The following LIMD1 variants were observed in gnomAD, a reference collection of about 807,000 sequenced individuals.
The protein encoded by LIMD1 is LIM domain-containing protein 1.
A neutral mutation model predicts 58.4 loss-of-function variants in LIMD1; 23 were observed. That is an observed-to-expected ratio of 0.39 (90% CI 0.28 to 0.56). The LOEUF (loss-of-function observed/expected upper bound fraction) is 0.56. Ranked by LOEUF, LIMD1 falls within the 20% of genes least tolerant of loss-of-function variation. LIMD1 has a pLI of 0.57. For missense variants in LIMD1, 838 were observed against 855.5 expected, an observed-to-expected ratio of 0.98 and a Z score of 0.25; for synonymous variants, 334 against 345.5, an observed-to-expected ratio of 0.97 and a Z score of 0.37.
At chr3:45,631,109 CAGG>C (rs1204050456) in intron 1 of LIMD1, among the ~76,000 whole-genome samples, 3 of 152,090 alleles carry the variant, frequency 2.0e-5, no homozygotes, top group Non-Finnish European at 2.9e-5. Context: ...GAGGCTGAGG[CAGG>C]AGAATAGCTT....
In LIMD1 at chr3:45,665,565, A is replaced by G. The variant is rs1021137589; in HGVS notation, c.1511-85A>G. On this transcript the variant is annotated intron_variant, in intron 2 of 7. Coordinates refer to ENST00000273317, the MANE Select transcript of LIMD1 (RefSeq NM_014240.3). ...GTTTTTACGTGTTTATTTCTGCCTA[A>G]AGATTTTGCTTTTCACTTTTCACTT... 27 of 1,080,920 alleles carry G rather than the reference A, an allele frequency of 2.5e-5. No individual in the cohort carries two copies. The African/African-American group carries it at 3.8e-4, about 15-fold the overall frequency. 67.0% of individuals were successfully genotyped at this position (1,080,920 alleles called of 1,614,324 possible).
At chr3:45,629,842 G>A (rs563757679) in intron 1 of LIMD1, among the ~76,000 whole-genome samples, 1 of 152,320 alleles carries the variant, frequency 6.6e-6, no homozygotes. Context: ...TGAGCAGGGG[G>A]GCACTGAAGA....
At chr3:45,665,804 G>A in intron 3 of LIMD1, 87 bp downstream of exon 3, 2 of 1,110,200 alleles carry the variant, frequency 1.8e-6, no homozygotes, top group Non-Finnish European at 2.7e-6. Flanking sequence ...AGCGTGTAGG[G>A]AAGCTGCACT....
At chr3:45,621,377 G>A (rs1701627086) in intron 1 of LIMD1, among the ~76,000 whole-genome samples, 1 of 152,062 alleles carries the variant, frequency 6.6e-6, no homozygotes, top group Non-Finnish European at 1.5e-5. Flanking sequence ...CTACAGGCAT[G>A]TACCACCACA....
chr3:45,647,730 A>T (rs1575358452), intron 2 of LIMD1, among the ~76,000 whole-genome samples: 1 of 152,162 alleles, frequency 6.6e-6, no homozygotes, highest in Non-Finnish European at 1.5e-5. Flanking sequence ...TTGCCTTAAC[A>T]TTGTAGTCCA....
intron 1 of LIMD1, chr3:45,632,676 A>T (rs1487765865): frequency 2.8e-6 from 1 of 358,936 alleles, no homozygotes; most frequent in Non-Finnish European, 3.9e-6. Context: ...TTCTGAAGGC[A>T]CTTGCAATTC....
intron 2 of LIMD1, among the ~76,000 whole-genome samples, chr3:45,636,893 C>T (rs548216870): frequency 9.2e-5 from 14 of 152,354 alleles, no homozygotes; most frequent in Non-Finnish European, 1.8e-4. Context: ...GATTCTAACA[C>T]ATTGCATGCT....
chr3:45,612,500 ACT>A (rs1360860701), intron 1 of LIMD1, among the ~76,000 whole-genome samples: 1 of 147,042 alleles, frequency 6.8e-6, no homozygotes, highest in African/African-American at 2.5e-5. Flanking sequence ...GCCTTTCCAC[ACT>A]CTCACTTCTT....
Position 45,598,338 on chromosome 3 carries a change from T to C in LIMD1, c.1408+2051T>C, listed in dbSNP as rs569414269. Among the ~76,000 whole-genome samples, 97 of 152,374 alleles carry C rather than the reference T, an allele frequency of 6.4e-4. No homozygotes were observed. The Middle Eastern group carries it at 0.01, about 16-fold the overall frequency. On this transcript the variant is annotated intron_variant, in intron 1 of 7. Coordinates refer to ENST00000273317, the MANE Select transcript of LIMD1 (RefSeq NM_014240.3). Reference sequence around the variant, plus strand: ...AGCACATTCCCACATTTGGGAGTAATAGTTAGCTGGAAATACTGTGGGTCT... The same window carrying C: ...AGCACATTCCCACATTTGGGAGTAACAGTTAGCTGGAAATACTGTGGGTCT...
At chr3:45,634,443 A>G (rs1701766905) in intron 1 of LIMD1, among the ~76,000 whole-genome samples, 1 of 152,234 alleles carries the variant, frequency 6.6e-6, no homozygotes, top group South Asian at 2.1e-4. Context: ...CACAGAGCCC[A>G]TGTGAGATCC....
chr3:45,628,338 G>A (rs1701686819), intron 1 of LIMD1, among the ~76,000 whole-genome samples: 1 of 152,104 alleles, frequency 6.6e-6, no homozygotes. Context: ...AAAAAAAACA[G>A]GCAAAAGATT....
chr3:45,643,578 A>G (rs1701869984), intron 2 of LIMD1, among the ~76,000 whole-genome samples: 1 of 152,170 alleles, frequency 6.6e-6, no homozygotes, highest in Non-Finnish European at 1.5e-5. Flanking sequence ...TAAGACGTTC[A>G]TTTCACAGAC....
chr3:45,595,577 C>G lies in LIMD1; in HGVS notation c.698C>G (p.Ser233Cys). Reference protein sequence around the residue: ...GDHPLNHRQLSLSSSRSSEGS... With the variant: ...GDHPLNHRQLCLSSSRSSEGS... ...CATCCCCTAAATCACCGACAGCTCT[C>G]CCTGAGCTCCAGCAGGTCTTCTGAG... The change falls in exon 1 of 8, where the codon TCC (serine) becomes TGC (cysteine). Residue 233 changes from serine to cysteine, a missense_variant. Transcript: ENST00000273317. 1.9e-6 allele frequency: 3 copies of G among 1,614,124 alleles called. No individual in the cohort carries two copies. In the African/African-American group the frequency reaches 4.0e-5, roughly 22 times the overall value.
At chr3:45,606,825 C>T (rs543213213) in intron 1 of LIMD1, among the ~76,000 whole-genome samples, 11 of 152,294 alleles carry the variant, frequency 7.2e-5, no homozygotes, top group Admixed American at 2.0e-4. Context: ...GGCAGAGTCT[C>T]GCTCTGTTGC....
At chr3:45,608,296 G>A (rs1038093208) in intron 1 of LIMD1, among the ~76,000 whole-genome samples, 4 of 152,172 alleles carry the variant, frequency 2.6e-5, no homozygotes, top group African/African-American at 9.7e-5. Context: ...TTTAGATTCA[G>A]GGTTGTTGGC....
At chr3:45,662,630 A>G (rs773995521) in intron 2 of LIMD1, among the ~76,000 whole-genome samples, 1 of 152,114 alleles carries the variant, frequency 6.6e-6, no homozygotes, top group Non-Finnish European at 1.5e-5. Flanking sequence ...GGCAGCTGCC[A>G]TTATGAATTG....
At chr3:45,620,559 G>T (rs1367308406) in intron 1 of LIMD1, among the ~76,000 whole-genome samples, 5 of 152,192 alleles carry the variant, frequency 3.3e-5, no homozygotes, top group Non-Finnish European at 7.3e-5. Flanking sequence ...AGTCCAAGGT[G>T]TGTGGATCAC....
At position 45,595,530 on chromosome 3, in the gene LIMD1, A is replaced by G; in HGVS notation, c.651A>G (p.Pro217=). ...CTAGCTCCCCGGGGAGTGACCCACC[A>G]CTGCCCAAACCCTGCGGGGACCATC... The part of the protein sequence containing the change: ...GWPSSPGSDP[P]LPKPCGDHPL... Residue 217 remains proline, a synonymous_variant, in exon 1 of 8, where the codon CCA becomes CCG. Transcript: ENST00000273317. 1.2e-6 allele frequency: 2 copies of G among 1,613,984 alleles called. No homozygotes were observed. Among genetic ancestry groups the G allele is most frequent in the Non-Finnish European group, 1.7e-6 (2 of 1,179,988 alleles).
At chr3:45,612,449 A>G (rs1007529285) in intron 1 of LIMD1, among the ~76,000 whole-genome samples, 4 of 152,214 alleles carry the variant, frequency 2.6e-5, no homozygotes, top group Admixed American at 6.5e-5. Context: ...GAAGTCATTT[A>G]GTGTCATTCT....
Sources: allele counts gnomAD v4.1 joint callset (sites outside exome capture counted in the v4.1 genomes callset), GRCh38; gene constraint gnomAD v4.1.1; transcripts MANE v1.5; gene names NCBI Gene and HGNC (gene_info 2026-07-23, HGNC 2026-07-21).